Variants in GRK3 observed in about 807,000 individuals in gnomAD.
The protein encoded by GRK3 is G protein-coupled receptor kinase 3.
Under a neutral mutation model 95.7 loss-of-function variants are expected in GRK3, and 54 were observed. The observed-to-expected ratio is 0.56, with a 90% CI of 0.45 to 0.71. The LOEUF is 0.71. Ranked by LOEUF, GRK3 falls within the 30% of genes least tolerant of loss-of-function variation. GRK3 has a pLI of 0.00. For synonymous variants in GRK3, 281 were observed against 290.8 expected, an observed-to-expected ratio of 0.97 and a Z score of 0.34; for missense variants, 649 against 851.2, an observed-to-expected ratio of 0.76 and a Z score of 2.96.
chr22:25,722,161 TG>T (rs1173246961), intron 20 of GRK3, 127 bp from the exon 21 acceptor site: 4 of 998,402 alleles, frequency 4.0e-6, no homozygotes, highest in Non-Finnish European at 4.5e-6. Context: ...GTAATGCCAC[TG>T]GGGGTGGACA....
intron 15 of GRK3, 50 bp downstream of exon 15, chr22:25,704,259 G>T: frequency 7.1e-7 from 1 of 1,407,606 alleles, no homozygotes; most frequent in South Asian, 1.2e-5. Flanking sequence ...GAGCAAAATA[G>T]TGATTTTAAA....
Position 25,577,178 on chromosome 22 carries a change from A to G in GRK3, c.113+12025A>G, listed in dbSNP as rs1046770425. Among the ~76,000 whole-genome samples, 5 of 144,690 alleles carry G rather than the reference A, an allele frequency of 3.5e-5. No homozygotes were observed. In the Admixed American group the frequency reaches 3.5e-4, roughly 10 times the overall value. The allele number at this position is 144,690 out of a possible 152,430, so 94.9% of individuals were successfully genotyped here. A position where few individuals can be genotyped will look rare whatever the true frequency, so the allele number is the denominator to read the frequency against. ...TCAGTTACTCTAGATACAATAAAGG[A>G]TTTTTTTTTTTTTTGAGACAGTCTC... On this transcript the variant is annotated intron_variant, in intron 1 of 20. Coordinates refer to ENST00000324198, the MANE Select transcript of GRK3 (RefSeq NM_005160.4).
At chr22:25,621,064 G>A (rs2084581655) in intron 2 of GRK3, among the ~76,000 whole-genome samples, 1 of 152,218 alleles carries the variant, frequency 6.6e-6, no homozygotes, top group Non-Finnish European at 1.5e-5. Context: ...AAAGCAGCAT[G>A]TTTCATTTAA....
At chr22:25,698,044 G>GA (rs907831834) in intron 13 of GRK3, among the ~76,000 whole-genome samples, 3 of 151,428 alleles carry the variant, frequency 2.0e-5, no homozygotes, top group Admixed American at 6.6e-5. Flanking sequence ...TGCTGTGGGG[G>GA]AAGGAAAGGA....
rs200525151 is a variant in GRK3 at position 25,722,389 on chromosome 22, G to A, written c.2006G>A (p.Arg669Gln). The A allele has an allele frequency of 4.3e-6, 7 of 1,614,032 alleles. No individual in the cohort carries two copies. The highest frequency in any genetic ancestry group is 4.0e-5 in the African/African-American group (3 of 74,914). The change falls in exon 21 of 21, where the codon CGG (arginine) becomes CAG (glutamine). Residue 669 changes from arginine to glutamine, a missense_variant. By Grantham distance (43) the Arg-to-Gln change is conservative. Transcript: ENST00000324198. ...RRAPKFLNKPRSGTVELPKPS... is the reference protein window; with the variant it reads ...RRAPKFLNKPQSGTVELPKPS... The stretch of plus-strand genomic sequence containing the variant: ...GCCCCGAAGTTCCTCAACAAACCTC[G>A]GTCAGGTACTGTGGAGCTCCCAAAG...
intron 7 of GRK3, among the ~76,000 whole-genome samples, chr22:25,672,720 A>T (rs563852579): frequency 2.0e-5 from 3 of 152,286 alleles, no homozygotes; most frequent in South Asian, 4.1e-4. Context: ...ATAATAATAC[A>T]AATTGAGTAT....
At chr22:25,570,019 A>G (rs764513752) in intron 1 of GRK3, among the ~76,000 whole-genome samples, 13 of 152,206 alleles carry the variant, frequency 8.5e-5, no homozygotes, top group Admixed American at 2.0e-4. Context: ...CTGCCCCACC[A>G]AAAACGAATA....
intron 5 of GRK3, among the ~76,000 whole-genome samples, chr22:25,666,070 T>C (rs1250470208): frequency 6.6e-6 from 1 of 152,182 alleles, no homozygotes; most frequent in Non-Finnish European, 1.5e-5. Context: ...AGAGGGAAAG[T>C]AGTCTGCTCC....
intron 1 of GRK3, among the ~76,000 whole-genome samples, chr22:25,587,920 G>T (rs201291944): frequency 0.042 from 5,393 of 127,360 alleles, 8 homozygotes; most frequent in African/African-American, 0.11. Context: ...ATTAAACCCT[G>T]TTTCCTGGAT....
intron 2 of GRK3, among the ~76,000 whole-genome samples, chr22:25,609,457 A>C (rs2146345395): frequency 6.6e-6 from 1 of 151,832 alleles, no homozygotes; most frequent in Non-Finnish European, 1.5e-5. Flanking sequence ...TCAGCCTCCC[A>C]AGTAGCTGGG....
At chr22:25,595,258 C>T (rs1216496302) in intron 1 of GRK3, among the ~76,000 whole-genome samples, 2 of 152,066 alleles carry the variant, frequency 1.3e-5, no homozygotes, top group Non-Finnish European at 2.9e-5. Flanking sequence ...CGAGAAAACC[C>T]TAAAGACTCT....
chr22:25,669,675 G>A (rs1356758903), intron 6 of GRK3, among the ~76,000 whole-genome samples: 7 of 152,148 alleles, frequency 4.6e-5, no homozygotes, highest in East Asian at 3.9e-4. Context: ...AATAACCCCC[G>A]TGGAGACAGG....
At chr22:25,585,766 C>T (rs1258222617) in intron 1 of GRK3, among the ~76,000 whole-genome samples, 2 of 152,256 alleles carry the variant, frequency 1.3e-5, no homozygotes, top group African/African-American at 4.8e-5. Flanking sequence ...AAAACGTATT[C>T]CAGTGATGTC....
At position 25,648,370 on chromosome 22, in the gene GRK3, C is replaced by T. The variant is rs1254878753; in HGVS notation, c.264+3705C>T. Reference sequence around the variant, plus strand: ...TGCCACAAGTTAACAACTGTGTGTCCAACTGTGAAACCTCAGATTCAAGGT... The same window carrying T: ...TGCCACAAGTTAACAACTGTGTGTCTAACTGTGAAACCTCAGATTCAAGGT... On this transcript the variant is annotated intron_variant, in intron 3 of 20. Transcript: ENST00000324198. 3.0e-6 allele frequency: 4 copies of T among 1,314,518 alleles called. No individual in the cohort carries two copies. The East Asian group carries it at 6.9e-5, about 23-fold the overall frequency. The allele number at this position is 1,314,518 out of a possible 1,614,324, so 81.4% of individuals were successfully genotyped here. A position where few individuals can be genotyped will look rare whatever the true frequency, so the allele number is the denominator to read the frequency against.
intron 3 of GRK3, chr22:25,648,084 C>G (rs2084799558): frequency 1.8e-6 from 1 of 554,222 alleles, no homozygotes; most frequent in Non-Finnish European, 3.2e-6. Flanking sequence ...CCACTGCACT[C>G]CAGCCTCGGC....
At position 25,688,002 on chromosome 22, in the gene GRK3, C is replaced by T. The variant is rs546306438; in HGVS notation, c.957+335C>T. Among the ~76,000 whole-genome samples the T allele has an allele frequency of 5.5e-4, 84 of 152,154 alleles. No homozygotes were observed. In the Middle Eastern group the frequency reaches 0.02, roughly 37 times the overall value. The stretch of plus-strand genomic sequence containing the variant: ...CTGTAATCCCAGCACTTTGGGAGGC[C>T]AAGGAGGGCGGATCACAAGGTCAGG... On this transcript the variant is annotated intron_variant, in intron 11 of 20. Coordinates refer to ENST00000324198, the MANE Select transcript of GRK3 (RefSeq NM_005160.4).
intron 3 of GRK3, 95 bp downstream of exon 3, chr22:25,644,760 T>C (rs2084768832): frequency 1.3e-5 from 8 of 603,192 alleles, no homozygotes; most frequent in Non-Finnish European, 2.2e-5. Context: ...CTTACAAATA[T>C]TTAGAAATTC....
chr22:25,670,193 AT>A lies in GRK3; in HGVS notation c.504-2097del, dbSNP rs200556544. On this transcript the variant is annotated intron_variant, in intron 6 of 20. Coordinates refer to ENST00000324198, the MANE Select transcript of GRK3 (RefSeq NM_005160.4). Reference sequence around the variant, plus strand: ...CCTCAGAAATATGTTAAAGATCCTTATTTTTTAAAAGGTCTATTGGTCGGGT... The same window carrying A: ...CCTCAGAAATATGTTAAAGATCCTTATTTTTAAAAGGTCTATTGGTCGGGT... Among the ~76,000 whole-genome samples, 562 of 152,224 alleles carry A rather than the reference AT, an allele frequency of 3.7e-3. 6 individuals are homozygous for A. Among genetic ancestry groups the A allele is most frequent in the African/African-American group, 0.013 (549 of 41,552 alleles).
chr22:25,609,186 T>C (rs1423120954), intron 2 of GRK3, among the ~76,000 whole-genome samples: 1 of 152,238 alleles, frequency 6.6e-6, no homozygotes, highest in Non-Finnish European at 1.5e-5. Context: ...TTAAGATACA[T>C]TGAAATTGTA....
Sources: allele counts gnomAD v4.1 joint callset (sites outside exome capture counted in the v4.1 genomes callset), GRCh38; gene constraint gnomAD v4.1.1; transcripts MANE v1.5; gene names NCBI Gene and HGNC (gene_info 2026-07-23, HGNC 2026-07-21).